SORCS1: variants seen among roughly 807,000 people sequenced by gnomAD.
The protein encoded by SORCS1 is VPS10 domain-containing receptor SorCS1.
SORCS1 carries 60 observed loss-of-function variants against 146.1 expected under a neutral mutation model. The ratio of observed to expected loss-of-function variants is 0.41; its 90% CI spans 0.33 to 0.51. The LOEUF (loss-of-function observed/expected upper bound fraction) is 0.51, where lower values mean the gene tolerates loss of function less well. Ranked by LOEUF, SORCS1 falls within the 20% of genes least tolerant of loss-of-function variation. SORCS1 has a pLI of 0.21. For missense variants in SORCS1, 1,352 were observed against 1,487.6 expected (o/e 0.91, Z 1.50); for synonymous variants, 637 against 584.0 (o/e 1.09, Z -1.31).
Position 107,163,968 on chromosome 10 carries a change from CGCT to C in SORCS1, c.556_558del (p.Ser186del), listed in dbSNP as rs1238195862. On this transcript the variant is annotated inframe_deletion and splice_region_variant, in exon 1 of 26. Coordinates refer to ENST00000263054, the MANE Select transcript of SORCS1 (RefSeq NM_052918.5). ...TTTACCCTCAGTCCCATTCTACTCACGCTGCTGTTGTGGCCAGACCAGTGGACC... is the reference window on the plus strand; with the variant it reads ...TTTACCCTCAGTCCCATTCTACTCACGCTGTTGTGGCCAGACCAGTGGACC... 6.2e-7 allele frequency: 1 copy of C among 1,610,540 alleles called. No homozygotes were observed. Among genetic ancestry groups the C allele is most frequent in the East Asian group, 2.2e-5 (1 of 44,810 alleles).
intron 24 of SORCS1, among the ~76,000 whole-genome samples, chr10:106,583,574 T>A (rs1036716224): frequency 6.6e-6 from 1 of 152,110 alleles, no homozygotes; most frequent in Admixed American, 6.6e-5. Context: ...TGACACAATC[T>A]CGATTCACTG....
At chr10:106,732,041 C>T (rs1856635108) in intron 5 of SORCS1, among the ~76,000 whole-genome samples, 1 of 152,114 alleles carries the variant, frequency 6.6e-6, no homozygotes, top group East Asian at 1.9e-4. Context: ...CTCATTTTTC[C>T]AACTCAAAGA....
chr10:106,701,943 C>A (rs189265003), intron 8 of SORCS1, among the ~76,000 whole-genome samples: 44 of 152,316 alleles, frequency 2.9e-4, no homozygotes, highest in Admixed American at 2.5e-3. Flanking sequence ...GTTAAGTGAG[C>A]CCTTACATCC....
At chr10:107,110,666 G>A (rs1161185930) in intron 1 of SORCS1, among the ~76,000 whole-genome samples, 2 of 137,202 alleles carry the variant, frequency 1.5e-5, no homozygotes, top group South Asian at 2.3e-4. Context: ...ACAATTCAAC[G>A]TGAGATTTCA....
intron 4 of SORCS1, among the ~76,000 whole-genome samples, chr10:106,773,891 G>C (rs1860223203): frequency 6.6e-6 from 1 of 152,110 alleles, no homozygotes; most frequent in African/African-American, 2.4e-5. Flanking sequence ...AGAGATTGCA[G>C]TGAGCCCAGA....
At chr10:106,793,328 C>A (rs1589889917) in intron 3 of SORCS1, among the ~76,000 whole-genome samples, 1 of 152,226 alleles carries the variant, frequency 6.6e-6, no homozygotes, top group African/African-American at 2.4e-5. Flanking sequence ...TGCGGGCATG[C>A]ATTACATGTT....
upstream of SORCS1, among the ~76,000 whole-genome samples, chr10:107,165,150 G>C (rs1590288007): frequency 6.6e-6 from 1 of 152,138 alleles, no homozygotes; most frequent in East Asian, 1.9e-4. The surrounding 1 kb of genome is among the most constrained non-coding windows in gnomAD (Gnocchi z 4.0). Context: ...AGGGATGGGT[G>C]GGCTTCTGCT....
intron 3 of SORCS1, among the ~76,000 whole-genome samples, chr10:106,816,394 A>G (rs1947742482): frequency 6.6e-6 from 1 of 152,152 alleles, no homozygotes; most frequent in Admixed American, 6.5e-5. Flanking sequence ...TGTGCTGGTA[A>G]CTCATATAAT....
At chr10:106,977,578 T>C (rs1028747124) in intron 1 of SORCS1, among the ~76,000 whole-genome samples, 23 of 146,312 alleles carry the variant, frequency 1.6e-4, no homozygotes, top group African/African-American at 5.5e-4. Context: ...TTAACCTGTG[T>C]CATTCATTGG....
intron 3 of SORCS1, among the ~76,000 whole-genome samples, chr10:106,790,879 T>G (rs190262510): frequency 1.6e-3 from 238 of 152,298 alleles, no homozygotes; most frequent in African/African-American, 5.6e-3. Context: ...AAAGTTTAGG[T>G]ATTGTGTTCA....
At chr10:106,602,021 AG>A (rs34068778) in intron 23 of SORCS1, among the ~76,000 whole-genome samples, 1 of 152,202 alleles carries the variant, frequency 6.6e-6, no homozygotes, top group Non-Finnish European at 1.5e-5. Context: ...TGAAATCAAG[AG>A]GGGGAAACAC....
chr10:106,953,452 C>T (rs563078437), intron 2 of SORCS1, among the ~76,000 whole-genome samples: 35 of 151,348 alleles, frequency 2.3e-4, no homozygotes, highest in African/African-American at 8.0e-4. Flanking sequence ...AATTTTTTTC[C>T]CCCAACAGTT....
chr10:106,959,038 G>C (rs1273795347), intron 1 of SORCS1, among the ~76,000 whole-genome samples: 1 of 152,182 alleles, frequency 6.6e-6, no homozygotes, highest in East Asian at 1.9e-4. Flanking sequence ...CACAGGCTGT[G>C]TCTCCCATTC....
intron 3 of SORCS1, among the ~76,000 whole-genome samples, chr10:106,829,094 C>A (rs1948422811): frequency 6.6e-6 from 1 of 152,232 alleles, no homozygotes; most frequent in African/African-American, 2.4e-5. Flanking sequence ...GCACTGCATT[C>A]ATCCTGACAT....
At chr10:106,930,346 C>T (rs1056978810) in intron 2 of SORCS1, among the ~76,000 whole-genome samples, 7 of 151,874 alleles carry the variant, frequency 4.6e-5, no homozygotes, top group South Asian at 2.1e-4. Flanking sequence ...TACAAAATCA[C>T]CAGGAAAGGT....
intron 6 of SORCS1, among the ~76,000 whole-genome samples, chr10:106,715,529 G>A (rs913250856): frequency 2.0e-5 from 3 of 152,212 alleles, no homozygotes; most frequent in African/African-American, 7.2e-5. Flanking sequence ...GTCTCCAAAC[G>A]CTGATCTAGA....
chr10:106,895,308 A>C (rs1297054396), intron 2 of SORCS1, among the ~76,000 whole-genome samples: 2 of 152,174 alleles, frequency 1.3e-5, no homozygotes, highest in African/African-American at 4.8e-5. Flanking sequence ...TTTGTTTAAA[A>C]GGTAAAAATA....
intron 1 of SORCS1, among the ~76,000 whole-genome samples, chr10:107,052,991 C>A (rs959738332): frequency 2.6e-5 from 4 of 152,108 alleles, no homozygotes; most frequent in African/African-American, 9.7e-5. Flanking sequence ...AGGATGTAAT[C>A]CACACAAATC....
At chr10:106,778,641 A>G (rs12098579) in intron 3 of SORCS1, among the ~76,000 whole-genome samples, 4,552 of 152,290 alleles carry the variant, frequency 0.03, 212 homozygotes, top group African/African-American at 0.1. Flanking sequence ...AAATGATCAT[A>G]TTGTTTTGTG....
Sources: gnomAD v4.1 joint callset for allele counts (sites outside exome capture counted in the v4.1 genomes callset) on GRCh38, gnomAD v4.1.1 for gene constraint, Gnocchi (gnomAD v3.1) non-coding constraint, MANE v1.5 for transcripts, NCBI Gene and HGNC (gene_info 2026-07-23, HGNC 2026-07-21) for gene names.